The following EPG5 variants were observed in gnomAD, a reference collection of about 807,000 sequenced individuals.
The protein encoded by EPG5 is ectopic P-granules 5 autophagy tethering factor.
Under a neutral mutation model 302.7 loss-of-function variants are expected in EPG5, and 159 were observed. The ratio of observed to expected loss-of-function variants is 0.53; its 90% CI spans 0.46 to 0.60. EPG5 has a LOEUF of 0.60. EPG5 is among the 20% of genes least tolerant of loss of function. The pLI is 0.00. For synonymous variants in EPG5, 1,158 were observed against 1,136.8 expected (o/e 1.02, Z -0.37); for missense variants, 2,896 against 3,092.4 (o/e 0.94, Z 1.51).
At chr18:45,803,335 T>C in the EPG5 span, among the ~76,000 whole-genome samples, 2 of 152,220 alleles carry the variant, frequency 1.3e-5, no homozygotes, top group African/African-American at 2.4e-5. Flanking sequence ...ATAACAACTA[T>C]AAACTCAGGG....
At chr18:45,820,803 GT>G in the EPG5 span, among the ~76,000 whole-genome samples, 1 of 152,092 alleles carries the variant, frequency 6.6e-6, no homozygotes, top group Non-Finnish European at 1.5e-5. Context: ...CCTTGTGCAG[GT>G]TATATACCAC....
intron 6 of EPG5, 106 bp downstream of exon 6, chr18:45,948,397 C>T: frequency 4.6e-6 from 4 of 874,168 alleles, no homozygotes; most frequent in Non-Finnish European, 7.4e-6. Context: ...AGAATGCCAA[C>T]ACTTCCCTTA....
downstream of EPG5, among the ~76,000 whole-genome samples, chr18:45,846,157 A>G (rs182904916): frequency 5.9e-5 from 9 of 152,226 alleles, no homozygotes; most frequent in East Asian, 1.2e-3. Context: ...GCTGGCCACT[A>G]AAGTCCAGTC....
the EPG5 span, among the ~76,000 whole-genome samples, chr18:45,830,184 G>A: frequency 6.6e-6 from 1 of 152,248 alleles, no homozygotes; most frequent in Non-Finnish European, 1.5e-5. Context: ...CCTTACCAAG[G>A]AACTGGTGGA....
chr18:45,857,276 A>T (rs1796814717), intron 42 of EPG5, among the ~76,000 whole-genome samples: 1 of 151,874 alleles, frequency 6.6e-6, no homozygotes, highest in Admixed American at 6.6e-5. Context: ...TGCCCGGCTA[A>T]TTTCTGTATT....
At chr18:45,921,598 T>C (rs1357623929) in intron 16 of EPG5, among the ~76,000 whole-genome samples, 2 of 152,136 alleles carry the variant, frequency 1.3e-5, no homozygotes, top group African/African-American at 2.4e-5. Context: ...AACTATGATA[T>C]AGTGTGATAA....
chr18:45,842,739 G>A (rs2048336151), downstream of EPG5: 2 of 155,920 alleles, frequency 1.3e-5, no homozygotes, highest in Admixed American at 1.2e-4. Flanking sequence ...AAGGGGCTTT[G>A]GAAAGTACAA....
chr18:45,872,857 T>C (rs987731606), intron 35 of EPG5, among the ~76,000 whole-genome samples: 2 of 152,192 alleles, frequency 1.3e-5, no homozygotes, highest in South Asian at 2.1e-4. Context: ...CGTTTAAATA[T>C]GGATAAAAGA....
chr18:45,929,148 A>C, intron 12 of EPG5, 139 bp from the exon 13 acceptor site: 1 of 883,750 alleles, frequency 1.1e-6, no homozygotes, highest in East Asian at 2.7e-5. Context: ...AAAAATGTTA[A>C]AACTTCATAC....
intron 1 of EPG5, among the ~76,000 whole-genome samples, chr18:45,963,421 G>T (rs749663329): frequency 6.6e-6 from 1 of 152,160 alleles, no homozygotes; most frequent in South Asian, 2.1e-4. Flanking sequence ...TGGATCATCC[G>T]AGGCCAGGAG....
In EPG5 at chr18:45,954,427, C is replaced by T. The variant is rs2050977936; in HGVS notation, c.975G>A (p.Leu325=). The change falls in exon 2 of 44, where the codon CTG becomes CTA. Residue 325 remains leucine, a synonymous_variant. Coordinates refer to ENST00000282041, the MANE Select transcript of EPG5 (RefSeq NM_020964.3). ...TSDCQNAKSR[L]WQFKEEQMSV... ...ACATTTGTTCCTCCTTAAACTGCCA[C>T]AGCCGACTTTTAGCATTTTGGCAAT... 6.2e-7 allele frequency: 1 copy of T among 1,612,930 alleles called. No homozygotes were observed. The highest frequency in any genetic ancestry group is 8.5e-7 in the Non-Finnish European group (1 of 1,179,508).
chr18:45,911,122 T>C (rs992542804), intron 22 of EPG5, among the ~76,000 whole-genome samples: 1 of 150,612 alleles, frequency 6.6e-6, no homozygotes, highest in African/African-American at 2.5e-5. Context: ...TATATATATA[T>C]ATATACATTT....
chr18:45,862,540 C>A (rs890223784), intron 39 of EPG5, among the ~76,000 whole-genome samples: 19 of 152,264 alleles, frequency 1.2e-4, no homozygotes, highest in African/African-American at 4.6e-4. Context: ...TTAGCACCAT[C>A]CTCTTGGTGC....
At position 45,925,837 on chromosome 18, in the gene EPG5, C is replaced by T. The variant is rs765818036; in HGVS notation, c.2619G>A (p.Ala873=). ...AATTCAATAACCAATCCCGAATCAC[C>T]GCTATCTCAGATGCAGAAGGTTGCC... is the stretch of plus-strand genomic sequence containing the variant. ...YLWQPSASEI[A]VIRDWLLNYN... Residue 873 remains alanine, a synonymous_variant, in exon 14 of 44, where the codon GCG becomes GCA. Transcript: ENST00000282041. 19 of 1,581,046 alleles carry T rather than the reference C, an allele frequency of 1.2e-5. No individual in the cohort carries two copies. Among genetic ancestry groups the T allele is most frequent in the Admixed American group, 3.7e-5 (2 of 53,524 alleles).
At chr18:45,900,538 G>A (rs1430730755) in intron 26 of EPG5, among the ~76,000 whole-genome samples, 2 of 152,096 alleles carry the variant, frequency 1.3e-5, no homozygotes, top group Non-Finnish European at 2.9e-5. Context: ...AACCTTAAAT[G>A]GTTGATCATA....
At position 45,908,057 on chromosome 18, in the gene EPG5, C is replaced by T. The variant is rs1135402729; in HGVS notation, c.4230G>A (p.Trp1410Ter). 6.5e-7 allele frequency: 1 copy of T among 1,548,764 alleles called. No homozygotes were observed. ...CTTTTTGAAAATTCTCATCTTCTAG[C>T]CATAATATATATACATTGAAGAGCC... is the stretch of plus-strand genomic sequence containing the variant. ...LVRLFNVYIL[W>*]LEDENFQKGD... The change falls in exon 24 of 44, where the codon TGG becomes TGA. Residue 1410 changes from tryptophan (W) to a stop codon, truncating the protein, a stop_gained. Coordinates refer to ENST00000282041, the MANE Select transcript of EPG5 (RefSeq NM_020964.3). LOFTEE classifies it high-confidence loss of function.
chr18:45,899,423 G>T lies in EPG5; in HGVS notation c.4790C>A (p.Ala1597Asp). The change falls in exon 27 of 44, where the codon GCC (alanine) becomes GAC (aspartate). Residue 1597 changes from alanine to aspartate, a missense_variant. By Grantham distance (126) the Ala-to-Asp change is moderately radical (BLOSUM62 -2). This residue lies in a region of EPG5 where 790 missense variants were observed against 798.0 expected (regional missense o/e 0.99). Coordinates refer to ENST00000282041, the MANE Select transcript of EPG5 (RefSeq NM_020964.3). Reference protein sequence around the residue: ...RGSSGKKCQGAAVVTVQFEGM... With the variant: ...RGSSGKKCQGDAVVTVQFEGM... ...ACTTACCTGAACCGTGACAACTGCG[G>T]CTCCTTGGCATTTCTTACCGCTGCT... The T allele has an allele frequency of 6.2e-7, 1 of 1,614,114 alleles. No homozygotes were observed. Among genetic ancestry groups the T allele is most frequent in the Admixed American group, 1.7e-5 (1 of 60,020 alleles).
Position 45,866,758 on chromosome 18 carries a change from C to T in EPG5, c.6621+40G>A, listed in dbSNP as rs1278330755. 3 of 1,512,532 alleles carry T rather than the reference C, an allele frequency of 2.0e-6. No individual in the cohort carries two copies. The East Asian group carries it at 6.8e-5, about 34-fold the overall frequency. 93.7% of individuals were successfully genotyped at this position (1,512,532 alleles called of 1,614,324 possible). A position where few individuals can be genotyped will look rare whatever the true frequency, so the allele number is the denominator to read the frequency against. On this transcript the variant is annotated intron_variant, in intron 38 of 43. Coordinates refer to ENST00000282041, the MANE Select transcript of EPG5 (RefSeq NM_020964.3). Reference sequence around the variant, plus strand: ...TAGCACTTATGCTGCTACCAATCTCCAGGAACAGTCTCTGCCTTTTAAACT... The same window carrying T: ...TAGCACTTATGCTGCTACCAATCTCTAGGAACAGTCTCTGCCTTTTAAACT...
At chr18:45,842,442 T>TGTGTGTGAGA in the EPG5 span, 5 of 344,974 alleles carry the variant, frequency 1.4e-5, no homozygotes, top group African/African-American at 8.5e-5. Context: ...TGTGTGTGTG[T>TGTGTGTGAGA]GAGAGAGAGA....
Sources: gnomAD v4.1 joint callset for allele counts (sites outside exome capture counted in the v4.1 genomes callset) on GRCh38, gnomAD v4.1.1 for gene constraint, gnomAD v4.1.1 regional missense constraint, MANE v1.5 for transcripts, NCBI Gene and HGNC (gene_info 2026-07-23, HGNC 2026-07-21) for gene names.